Variants in AGBL4 observed in about 807,000 individuals in gnomAD.
AGBL4 encodes AGBL carboxypeptidase 4.
In AGBL4, 58 loss-of-function variants were observed where a neutral mutation model predicts 66.4. That is an observed-to-expected ratio of 0.87 (90% CI 0.71 to 1.09). The LOEUF (loss-of-function observed/expected upper bound fraction) is 1.09. Among genes scored for constraint, AGBL4 ranks in the 50% least tolerant of loss-of-function variants. The pLI, the probability that AGBL4 is intolerant of heterozygous loss-of-function variation, is 0.00. For synonymous variants in AGBL4, 234 were observed against 222.9 expected, an observed-to-expected ratio of 1.05 and a Z score of -0.44; for missense variants, 579 against 631.0, an observed-to-expected ratio of 0.92 and a Z score of 0.88.
chr1:49,050,081 G>C (rs1485762910), intron 4 of AGBL4, among the ~76,000 whole-genome samples: 1 of 152,032 alleles, frequency 6.6e-6, no homozygotes, highest in Non-Finnish European at 1.5e-5. Flanking sequence ...GATCCTGCCA[G>C]ACACCCAGGA....
chr1:48,673,707 G>A (rs569072190), intron 6 of AGBL4, among the ~76,000 whole-genome samples: 2 of 152,326 alleles, frequency 1.3e-5, no homozygotes, highest in South Asian at 4.1e-4. Flanking sequence ...TTGCCCACGA[G>A]TTTGTTAAAC....
intron 1 of AGBL4, among the ~76,000 whole-genome samples, chr1:49,919,850 T>C (rs1454874922): frequency 2.0e-5 from 3 of 152,202 alleles, no homozygotes; most frequent in Admixed American, 1.3e-4. Context: ...ACTACAAGGC[T>C]ACAGTAACCA....
chr1:49,225,643 TCA>T (rs1649855872), intron 4 of AGBL4, among the ~76,000 whole-genome samples: 1 of 152,206 alleles, frequency 6.6e-6, no homozygotes, highest in Non-Finnish European at 1.5e-5. Context: ...TTGGCACGGC[TCA>T]CAGAATTCAG....
intron 4 of AGBL4, among the ~76,000 whole-genome samples, chr1:49,172,726 G>A (rs1008622820): frequency 6.6e-6 from 1 of 152,156 alleles, no homozygotes; most frequent in Non-Finnish European, 1.5e-5. Context: ...ATACAAGTTC[G>A]TTGTTGGGTT....
At position 48,943,517 on chromosome 1, in the gene AGBL4, T is replaced by A. The variant is rs1259548867; in HGVS notation, c.595-76287A>T. On this transcript the variant is annotated intron_variant, in intron 5 of 13. Transcript: ENST00000371839. ...TGGGTCCTTATACCCCCACATACACTCCCACTGAGGCATGCTCTAAGATAT... is the reference window on the plus strand; with the variant it reads ...TGGGTCCTTATACCCCCACATACACACCCACTGAGGCATGCTCTAAGATAT... 3.3e-4 allele frequency among the ~76,000 whole-genome samples: 50 copies of A among 152,168 alleles called. 1 individual carries two copies. Among genetic ancestry groups the A allele is most frequent in the Admixed American group, 3.3e-3 (50 of 15,284 alleles).
At chr1:49,885,562 C>CA (rs1647937970) in intron 1 of AGBL4, among the ~76,000 whole-genome samples, 1 of 151,960 alleles carries the variant, frequency 6.6e-6, no homozygotes, top group Non-Finnish European at 1.5e-5. Context: ...ACATAGTCTA[C>CA]AACACAAACA....
At chr1:49,881,301 G>T (rs977025575) in intron 1 of AGBL4, among the ~76,000 whole-genome samples, 50 of 152,208 alleles carry the variant, frequency 3.3e-4, no homozygotes, top group Admixed American at 9.8e-4. Flanking sequence ...TTGGACATTT[G>T]GGTTGGTTCC....
At chr1:49,308,636 G>A (rs571584824) in intron 3 of AGBL4, among the ~76,000 whole-genome samples, 80 of 152,166 alleles carry the variant, frequency 5.3e-4, no homozygotes, top group African/African-American at 1.9e-3. Flanking sequence ...ACTGATAATA[G>A]GACACTATTT....
At chr1:48,609,242 C>T (rs1037525405) in intron 9 of AGBL4, among the ~76,000 whole-genome samples, 2 of 152,184 alleles carry the variant, frequency 1.3e-5, no homozygotes, top group Non-Finnish European at 2.9e-5. Flanking sequence ...CAAATCTGAG[C>T]ATGCCACTCC....
intron 2 of AGBL4, among the ~76,000 whole-genome samples, chr1:49,796,846 G>T (rs1171446467): frequency 2.0e-5 from 3 of 151,372 alleles, no homozygotes; most frequent in Admixed American, 6.6e-5. Flanking sequence ...CTTTTCAATG[G>T]GTATAACTTT....
At chr1:49,403,545 C>T (rs1645132149) in intron 3 of AGBL4, among the ~76,000 whole-genome samples, 1 of 152,106 alleles carries the variant, frequency 6.6e-6, no homozygotes, top group Non-Finnish European at 1.5e-5. Context: ...TTTGAATTTT[C>T]TGTCTGAAAG....
intron 3 of AGBL4, among the ~76,000 whole-genome samples, chr1:49,658,100 T>A (rs1385554125): frequency 1.3e-5 from 2 of 152,086 alleles, no homozygotes; most frequent in East Asian, 3.9e-4. Flanking sequence ...ATTTTTGCAA[T>A]CTACTCATCT....
chr1:49,405,115 T>C (rs1258315411), intron 3 of AGBL4, among the ~76,000 whole-genome samples: 2 of 152,212 alleles, frequency 1.3e-5, no homozygotes, highest in Non-Finnish European at 2.9e-5. Context: ...TCATCATTAG[T>C]ATTCCCAAGT....
intron 6 of AGBL4, among the ~76,000 whole-genome samples, chr1:48,764,002 A>G (rs1421374971): frequency 2.6e-5 from 4 of 152,330 alleles, no homozygotes; most frequent in East Asian, 3.9e-4. Context: ...CTATGCCTCG[A>G]CTTAACCTTT....
intron 3 of AGBL4, among the ~76,000 whole-genome samples, chr1:49,631,327 T>C (rs1423935866): frequency 1.3e-5 from 2 of 152,204 alleles, no homozygotes; most frequent in Non-Finnish European, 2.9e-5. Context: ...CTTTGTAAAC[T>C]ACCAAAGTGT....
At chr1:49,141,461 G>T (rs573919632) in intron 4 of AGBL4, among the ~76,000 whole-genome samples, 17 of 152,230 alleles carry the variant, frequency 1.1e-4, no homozygotes, top group African/African-American at 3.9e-4. Context: ...GACCCCAGAG[G>T]AGAAGACATG....
At chr1:49,624,044 G>A (rs988989295) in intron 3 of AGBL4, among the ~76,000 whole-genome samples, 4 of 151,032 alleles carry the variant, frequency 2.6e-5, no homozygotes, top group African/African-American at 4.9e-5. Context: ...CACATGTGAT[G>A]TGAGGTGTGC....
intron 9 of AGBL4, among the ~76,000 whole-genome samples, chr1:48,621,567 C>T (rs891334946): frequency 1.1e-4 from 17 of 152,204 alleles, no homozygotes; most frequent in African/African-American, 3.1e-4. Flanking sequence ...CCACTGCTAA[C>T]ATCTAGTTTA....
intron 3 of AGBL4, among the ~76,000 whole-genome samples, chr1:49,569,321 CAAGGTGACT>C (rs2148867788): frequency 6.6e-6 from 1 of 152,126 alleles, no homozygotes; most frequent in South Asian, 2.1e-4. Flanking sequence ...GATAGCTCAA[CAAGGTGACT>C]ATTGTCAATA....
Sources: allele counts gnomAD v4.1 joint callset (sites outside exome capture counted in the v4.1 genomes callset), GRCh38; gene constraint gnomAD v4.1.1; transcripts MANE v1.5; gene names NCBI Gene and HGNC (gene_info 2026-07-23, HGNC 2026-07-21).